The following PDXDC1 variants were observed in gnomAD, a reference collection of about 807,000 sequenced individuals.
The protein encoded by PDXDC1 is pyridoxal-dependent decarboxylase domain-containing protein 1.
PDXDC1 carries 42 observed loss-of-function variants against 100.1 expected under a neutral mutation model. The observed-to-expected ratio is 0.42, with a 90% CI of 0.33 to 0.54. PDXDC1 has a LOEUF of 0.54. PDXDC1 is among the 20% of genes least tolerant of loss of function. The probability of loss-of-function intolerance (pLI) is 0.10; values close to 1 mark genes in which losing one functional copy is unlikely to be tolerated. For synonymous variants in PDXDC1, 260 were observed against 371.7 expected, an observed-to-expected ratio of 0.70 and a Z score of 3.46; for missense variants, 636 against 979.2, an observed-to-expected ratio of 0.65 and a Z score of 4.68.
intron 13 of PDXDC1, 90 bp downstream of exon 13, chr16:15,022,844 C>T (rs1296077749): frequency 3.9e-5 from 42 of 1,068,454 alleles, no homozygotes; most frequent in Non-Finnish European, 5.4e-5. Context: ...GAATGATTTT[C>T]TCCACATTTC....
intron 1 of PDXDC1, among the ~76,000 whole-genome samples, chr16:14,978,458 C>T (rs552936392): frequency 1.5e-4 from 23 of 152,416 alleles, no homozygotes; most frequent in African/African-American, 5.3e-4. Context: ...GGTACAATCT[C>T]GGCTCACTGC....
In PDXDC1 at chr16:15,025,276, A is replaced by G. The variant is rs1433090914; in HGVS notation, c.1141-1367A>G. ...GAGTTCAAAGAAAGAAAAGATGATCATAATATTCATAGCAGTCTTGGCACT... is the reference window on the plus strand; with the variant it reads ...GAGTTCAAAGAAAGAAAAGATGATCGTAATATTCATAGCAGTCTTGGCACT... On this transcript the variant is annotated intron_variant, in intron 13 of 22. Coordinates refer to ENST00000396410, the MANE Select transcript of PDXDC1 (RefSeq NM_015027.4). The G allele has an allele frequency of 6.6e-5, 10 of 152,508 alleles. No homozygotes were observed. The East Asian group carries it at 1.9e-3, about 29-fold the overall frequency. 9.4% of individuals were successfully genotyped at this position (152,508 alleles called of 1,614,324 possible).
chr16:14,995,775 CCTTTTTTGGTTGGTAAG>C (rs1161320197), intron 1 of PDXDC1, among the ~76,000 whole-genome samples: 1 of 152,276 alleles, frequency 6.6e-6, no homozygotes, highest in Non-Finnish European at 1.5e-5. Context: ...TGGTCCCGGA[CCTTTTTTGGTTGGTAAG>C]CTCTTAATTA....
At chr16:14,976,889 T>C (rs1317117353) in intron 1 of PDXDC1, 1 of 152,348 alleles carries the variant, frequency 6.6e-6, no homozygotes. Flanking sequence ...AGTGGTGTTA[T>C]CAATTTCCTA....
At chr16:15,002,278 C>T (rs1973328041) in intron 4 of PDXDC1, among the ~76,000 whole-genome samples, 1 of 152,282 alleles carries the variant, frequency 6.6e-6, no homozygotes, top group Admixed American at 6.5e-5. Context: ...AAATGATATA[C>T]AAAGGGAATT....
intron 16 of PDXDC1, chr16:15,063,412 A>G (rs1317885751): frequency 2.6e-6 from 2 of 762,824 alleles, no homozygotes; most frequent in East Asian, 2.6e-5. Context: ...AAATAATTAC[A>G]TTTAAAAAAA....
chr16:15,110,802 A>G (rs1457920180), intron 16 of PDXDC1: 1 of 1,582,572 alleles, frequency 6.3e-7, no homozygotes, highest in East Asian at 2.2e-5. Context: ...AGACGGGAAG[A>G]TAGTCTTCAG....
intron 16 of PDXDC1, chr16:15,107,258 A>G (rs2046844170): frequency 3.4e-6 from 1 of 295,902 alleles, no homozygotes; most frequent in Non-Finnish European, 6.6e-6. Flanking sequence ...GGGTCTAAAC[A>G]TTGTACAAAG....
At chr16:14,995,755 T>G (rs1263862329) in intron 1 of PDXDC1, among the ~76,000 whole-genome samples, 1 of 152,296 alleles carries the variant, frequency 6.6e-6, no homozygotes, top group Non-Finnish European at 1.5e-5. Context: ...AATTTGGCTG[T>G]GAATCCCTCT....
intron 1 of PDXDC1, among the ~76,000 whole-genome samples, chr16:14,986,232 G>A (rs1430650785): frequency 2.6e-5 from 4 of 152,290 alleles, no homozygotes; most frequent in Non-Finnish European, 5.9e-5. Context: ...CAGCACTTTG[G>A]GAGGCCAAGG....
At chr16:15,064,631 A>C (rs2044876999) in intron 16 of PDXDC1, among the ~76,000 whole-genome samples, 2 of 152,244 alleles carry the variant, frequency 1.3e-5, no homozygotes, top group Non-Finnish European at 2.9e-5. Flanking sequence ...TTTAAATAAC[A>C]GTTTAAAGAA....
intron 16 of PDXDC1, among the ~76,000 whole-genome samples, chr16:15,072,403 G>A (rs1348415285): frequency 1.3e-5 from 2 of 152,134 alleles, no homozygotes; most frequent in Non-Finnish European, 2.9e-5. Context: ...ATAGAGAAAG[G>A]CTTAAGGGAA....
At chr16:15,065,442 C>G in intron 16 of PDXDC1, 1 of 1,340,426 alleles carries the variant, frequency 7.5e-7, no homozygotes, top group Non-Finnish European at 1.0e-6. Context: ...ATGTGAGCTG[C>G]GTGTGACAAC....
In PDXDC1 at chr16:15,047,847, C is replaced by T. The variant is rs1232464175; in HGVS notation, c.1399+17791C>T. The T allele has an allele frequency of 2.5e-6, 4 of 1,608,246 alleles. No homozygotes were observed. In the South Asian group the frequency reaches 3.3e-5, roughly 13 times the overall value. ...AAGTAATGGTTTCCTTCACCTCTCT[C>T]ATCATACCTGTGTGCCTCAGGACCA... is the stretch of plus-strand genomic sequence containing the variant. On this transcript the variant is annotated intron_variant, in intron 16 of 16. Transcript: ENST00000535621.
rs759208503 is a variant in PDXDC1 at position 15,006,517 on chromosome 16, C to A, written c.513C>A (p.Asn171Lys). The change falls in exon 6 of 23, where the codon AAC (asparagine) becomes AAA (lysine). Residue 171 changes from asparagine to lysine, a missense_variant. By Grantham distance (94) the Asn-to-Lys change is moderately conservative. Transcript: ENST00000396410. ...FVVDGFNVLY[N>K]KKPVIYLSAA... ...TGGATGGCTTCAATGTGTTATATAA[C>A]AAGAAGCCTGTCATATATCTTAGTG... 5.6e-6 allele frequency: 9 copies of A among 1,607,624 alleles called. No individual in the cohort carries two copies. The Admixed American group carries it at 1.5e-4, about 27-fold the overall frequency.
At chr16:15,069,336 C>T (rs2045121763) in intron 16 of PDXDC1, among the ~76,000 whole-genome samples, 1 of 152,194 alleles carries the variant, frequency 6.6e-6, no homozygotes, top group African/African-American at 2.4e-5. Flanking sequence ...GGCAATCGTG[C>T]AGGGTTCAGA....
intron 16 of PDXDC1, among the ~76,000 whole-genome samples, chr16:15,122,928 A>AAGG (rs1567285863): frequency 6.8e-6 from 1 of 148,148 alleles, no homozygotes; most frequent in Non-Finnish European, 1.5e-5. Flanking sequence ...GGAGGAGGAG[A>AAGG]AGAAGAAAGG....
chr16:15,040,738 GC>G (rs1175034842), downstream of PDXDC1, among the ~76,000 whole-genome samples: 1 of 152,164 alleles, frequency 6.6e-6, no homozygotes, highest in Non-Finnish European at 1.5e-5. Flanking sequence ...CAGGAGAAAA[GC>G]ACGCCGGGCC....
downstream of PDXDC1, among the ~76,000 whole-genome samples, chr16:15,143,494 C>A (rs1255455402): frequency 1.3e-5 from 2 of 152,176 alleles, no homozygotes; most frequent in Non-Finnish European, 2.9e-5. Context: ...CAGGTCGGGC[C>A]CCCTCGCCCT....
Sources: allele counts gnomAD v4.1 joint callset (sites outside exome capture counted in the v4.1 genomes callset), GRCh38; gene constraint gnomAD v4.1.1; transcripts MANE v1.5; gene names NCBI Gene and HGNC (gene_info 2026-07-23, HGNC 2026-07-21).